The following STAG1 variants were observed in gnomAD, a reference collection of about 807,000 sequenced individuals.
STAG1 encodes STAG1 cohesin complex component.
STAG1 carries 26 observed loss-of-function variants against 170.9 expected under a neutral mutation model. The ratio of observed to expected loss-of-function variants is 0.15; its 90% confidence interval spans 0.11 to 0.21. The LOEUF (loss-of-function observed/expected upper bound fraction) is 0.21. STAG1 is among the 10% of genes least tolerant of loss of function. STAG1 has a pLI of 1.00. For missense variants in STAG1, 964 were observed against 1,509.5 expected, an observed-to-expected ratio of 0.64 and a Z score of 5.99; for synonymous variants, 514 against 497.7, an observed-to-expected ratio of 1.03 and a Z score of -0.44.
At chr3:136,719,649 A>G (rs189840145) in intron 1 of STAG1, among the ~76,000 whole-genome samples, 7 of 18,728 alleles carry the variant, frequency 3.7e-4, no homozygotes, top group Admixed American at 1.4e-3. Context: ...GTAGGTGGGT[A>G]GGTGGGTGGG....
chr3:136,363,324 T>G, intron 26 of STAG1, 42 bp downstream of exon 26: 1 of 1,030,382 alleles, frequency 9.7e-7, no homozygotes, highest in South Asian at 1.3e-5. Context: ...AGTGCAATAA[T>G]GTTATTTCCA....
intron 1 of STAG1, among the ~76,000 whole-genome samples, chr3:136,707,533 T>C (rs570338072): frequency 6.6e-6 from 1 of 152,026 alleles, no homozygotes; most frequent in African/African-American, 2.4e-5. Flanking sequence ...CATTTTGTGT[T>C]GCTTATAACA....
intron 2 of STAG1, among the ~76,000 whole-genome samples, chr3:136,630,024 G>A (rs35849198): frequency 4.3e-4 from 66 of 151,768 alleles, no homozygotes; most frequent in Non-Finnish European, 8.2e-4. Flanking sequence ...AGTGAAACCC[G>A]TCTCTACTAA....
rs899418659 is a variant in STAG1, at chr3:136,540,792, A to G, written c.471+1327T>C. Among the ~76,000 whole-genome samples, 6 of 124,600 alleles carry G rather than the reference A, an allele frequency of 4.8e-5. No individual in the cohort carries two copies. The Admixed American group carries it at 5.1e-4, about 11-fold the overall frequency. The allele number at this position is 124,600 out of a possible 152,430, so 81.7% of individuals were successfully genotyped here. On this transcript the variant is annotated intron_variant, in intron 6 of 33. Coordinates refer to ENST00000383202, the MANE Select transcript of STAG1 (RefSeq NM_005862.3). ...AGCTGAGACAATGCCACTGCGCTCC[A>G]GTCTGGGCGACAGAGTGAAACTGTG...
intron 4 of STAG1, among the ~76,000 whole-genome samples, chr3:136,580,872 T>G (rs1937577691): frequency 1.3e-5 from 2 of 152,150 alleles, no homozygotes; most frequent in African/African-American, 4.8e-5. Flanking sequence ...CACCAAATTT[T>G]TTTCTCATTG....
intron 7 of STAG1, among the ~76,000 whole-genome samples, chr3:136,517,833 A>T (rs907057907): frequency 6.6e-6 from 1 of 152,070 alleles, no homozygotes; most frequent in Non-Finnish European, 1.5e-5. Flanking sequence ...GTTAATGAAA[A>T]CTACAATGTA....
At chr3:136,479,060 CT>C (rs66966875) in intron 9 of STAG1, among the ~76,000 whole-genome samples, 37,161 of 125,080 alleles carry the variant, frequency 0.3, 5,014 homozygotes, top group Non-Finnish European at 0.33. Flanking sequence ...TATAATCTTT[CT>C]TTTTTTTTTT....
chr3:136,730,046 G>A (rs539007036), intron 1 of STAG1, among the ~76,000 whole-genome samples: 6 of 151,666 alleles, frequency 4.0e-5, no homozygotes, highest in African/African-American at 1.2e-4. Flanking sequence ...GTGCCACTAC[G>A]CCCGGCTAAT....
chr3:136,498,233 T>TATACACACATACATATACATAC, intron 9 of STAG1, among the ~76,000 whole-genome samples: 1 of 57,512 alleles, frequency 1.7e-5, no homozygotes, highest in East Asian at 2.1e-3. Flanking sequence ...TATATATATA[T>TATACACACATACATATACATAC]ACACATACAT....
chr3:136,555,679 G>T (rs994161142), intron 5 of STAG1, among the ~76,000 whole-genome samples: 3 of 146,198 alleles, frequency 2.1e-5, no homozygotes, highest in African/African-American at 8.1e-5. Flanking sequence ...GCTAGACTCT[G>T]TCTCAATCAA....
chr3:136,659,077 A>AC (rs1437306382), intron 1 of STAG1, among the ~76,000 whole-genome samples: 11 of 152,192 alleles, frequency 7.2e-5, no homozygotes, highest in Non-Finnish European at 1.3e-4. Context: ...CACAATTAAC[A>AC]ACCTTCTCAC....
chr3:136,618,464 T>C (rs975361902), intron 3 of STAG1, among the ~76,000 whole-genome samples: 2 of 152,264 alleles, frequency 1.3e-5, no homozygotes, highest in Non-Finnish European at 2.9e-5. Flanking sequence ...TCAAGTGCTA[T>C]TTCTTTTGCA....
intron 1 of STAG1, among the ~76,000 whole-genome samples, chr3:136,702,392 T>A (rs1943110236): frequency 6.6e-6 from 1 of 152,144 alleles, no homozygotes; most frequent in Non-Finnish European, 1.5e-5. Flanking sequence ...CACTTACAAT[T>A]TTTTCTTCTT....
chr3:136,371,619 T>C (rs1937343679), intron 23 of STAG1, among the ~76,000 whole-genome samples: 1 of 152,220 alleles, frequency 6.6e-6, no homozygotes, highest in African/African-American at 2.4e-5. Context: ...GGGAATCCTT[T>C]CCACATTGCT....
chr3:136,421,046 C>A, intron 20 of STAG1, 47 bp downstream of exon 20: 2 of 1,234,968 alleles, frequency 1.6e-6, no homozygotes, highest in South Asian at 1.4e-5. Flanking sequence ...GTTGGGGTTA[C>A]AGGCATGAGC....
intron 6 of STAG1, among the ~76,000 whole-genome samples, chr3:136,525,638 C>G (rs966876133): frequency 1.3e-5 from 2 of 152,146 alleles, no homozygotes; most frequent in African/African-American, 4.8e-5. Flanking sequence ...TTTCTGCTAG[C>G]TTTTGAACGT....
At chr3:136,467,128 G>A (rs912670776) in intron 12 of STAG1, among the ~76,000 whole-genome samples, 12 of 151,996 alleles carry the variant, frequency 7.9e-5, no homozygotes, top group African/African-American at 1.5e-4. Flanking sequence ...ACATCATAAC[G>A]TAACGACAGG....
chr3:136,609,559 A>C (rs1939149257), intron 3 of STAG1: 2 of 153,350 alleles, frequency 1.3e-5, no homozygotes, highest in Non-Finnish European at 2.9e-5. Context: ...AAAACCAAGA[A>C]GAGTCCAGCT....
intron 13 of STAG1, among the ~76,000 whole-genome samples, chr3:136,461,759 A>C (rs2089281569): frequency 6.6e-6 from 1 of 152,172 alleles, no homozygotes; most frequent in South Asian, 2.1e-4. Flanking sequence ...ATAAAGAGAC[A>C]ACCTGCAGAG....
Sources: allele counts gnomAD v4.1 joint callset (sites outside exome capture counted in the v4.1 genomes callset), GRCh38; gene constraint gnomAD v4.1.1; transcripts MANE v1.5; gene names NCBI Gene and HGNC (gene_info 2026-07-23, HGNC 2026-07-21).